The following GTF2I variants were observed in gnomAD, a reference collection of about 807,000 sequenced individuals.
GTF2I encodes general transcription factor IIi.
GTF2I carries 12 observed loss-of-function variants against 67.6 expected under a neutral mutation model. The ratio of observed to expected loss-of-function variants is 0.18; its 90% CI spans 0.11 to 0.29. The LOEUF (loss-of-function observed/expected upper bound fraction) is 0.29, where lower values mean the gene tolerates loss of function less well. Ranked by LOEUF, GTF2I falls within the 10% of genes least tolerant of loss-of-function variation. The pLI, the probability that GTF2I is intolerant of heterozygous loss-of-function variation, is 1.00. For missense variants in GTF2I, 271 were observed against 580.1 expected (o/e 0.47, Z 5.47); for synonymous variants, 149 against 197.0 (o/e 0.76, Z 2.04).
At chr7:74,658,713 T>G (rs1804178453) in intron 1 of GTF2I, among the ~76,000 whole-genome samples, 1 of 150,826 alleles carries the variant, frequency 6.6e-6, no homozygotes, top group Non-Finnish European at 1.5e-5. Context: ...GAGTCCGCAG[T>G]GGGCTTTGTC....
intron 12 of GTF2I, chr7:74,727,197 C>G (rs1197902842): frequency 2.0e-5 from 3 of 152,132 alleles, no homozygotes; most frequent in African/African-American, 7.2e-5. Context: ...ATTAGCACGG[C>G]CAGCCAGTCA....
intron 12 of GTF2I, among the ~76,000 whole-genome samples, chr7:74,723,627 C>T (rs187848154): frequency 1.3e-5 from 2 of 151,610 alleles, no homozygotes; most frequent in African/African-American, 4.8e-5. Flanking sequence ...ACAGGGGTTT[C>T]ACCATGTTGG....
At chr7:74,714,691 A>G (rs1308011549) in intron 9 of GTF2I, among the ~76,000 whole-genome samples, 166 bp from the exon 10 acceptor site, 1 of 151,482 alleles carries the variant, frequency 6.6e-6, no homozygotes, top group African/African-American at 2.4e-5. Context: ...CACCAAGACC[A>G]TAAATTGACA....
intron 14 of GTF2I, among the ~76,000 whole-genome samples, chr7:74,732,144 T>TATAC (rs1794550377): frequency 6.8e-6 from 1 of 147,782 alleles, no homozygotes; most frequent in East Asian, 2.0e-4. Flanking sequence ...CACATATACA[T>TATAC]ATATATATAT....
intron 1 of GTF2I, among the ~76,000 whole-genome samples, chr7:74,686,334 A>G (rs765901223): frequency 1.3e-5 from 2 of 152,142 alleles, no homozygotes; most frequent in Non-Finnish European, 2.9e-5. Flanking sequence ...TCCAGACCCT[A>G]TTCTCCGGCC....
intron 7 of GTF2I, among the ~76,000 whole-genome samples, chr7:74,705,774 G>A (rs1554401169): frequency 2.6e-5 from 4 of 152,058 alleles, no homozygotes; most frequent in Non-Finnish European, 5.9e-5. Flanking sequence ...GTGTTGGCCA[G>A]GCTGGTCTCG....
chr7:74,686,575 T>C (rs1380298304), intron 1 of GTF2I, among the ~76,000 whole-genome samples: 4 of 152,298 alleles, frequency 2.6e-5, no homozygotes, highest in Admixed American at 2.6e-4. Context: ...ATAATGAAAG[T>C]GTACGCTAAG....
chr7:74,676,159 A>C (rs1554392334), intron 1 of GTF2I, among the ~76,000 whole-genome samples: 1 of 152,152 alleles, frequency 6.6e-6, no homozygotes, highest in East Asian at 1.9e-4. Context: ...AGCTGTTCTT[A>C]GGTTATAAAA....
At chr7:74,663,471 A>G (rs1405919602) in intron 1 of GTF2I, among the ~76,000 whole-genome samples, 2 of 152,006 alleles carry the variant, frequency 1.3e-5, no homozygotes, top group Admixed American at 6.6e-5. Flanking sequence ...TATTTTTCAT[A>G]GAGATGGGGT....
chr7:74,724,401 T>C (rs901357913), intron 12 of GTF2I, among the ~76,000 whole-genome samples: 2 of 152,204 alleles, frequency 1.3e-5, no homozygotes, highest in African/African-American at 4.8e-5. Context: ...TGTAACATAG[T>C]CTATTTATTG....
At chr7:74,674,604 T>A (rs1156319670) in intron 1 of GTF2I, among the ~76,000 whole-genome samples, 1 of 152,084 alleles carries the variant, frequency 6.6e-6, no homozygotes, top group Admixed American at 6.6e-5. Flanking sequence ...AGTCGTGCAA[T>A]CTCAGCTCAC....
chr7:74,712,379 C>G (rs1263863547), intron 9 of GTF2I, among the ~76,000 whole-genome samples: 1 of 151,994 alleles, frequency 6.6e-6, no homozygotes, highest in Non-Finnish European at 1.5e-5. Context: ...CTTTGGGCTC[C>G]CCCAAATCCC....
At chr7:74,680,448 TA>T (rs1247423478) in intron 1 of GTF2I, among the ~76,000 whole-genome samples, 1 of 152,018 alleles carries the variant, frequency 6.6e-6, no homozygotes, top group African/African-American at 2.4e-5. Context: ...CACTATAAAA[TA>T]TTTTTTTTTG....
intron 16 of GTF2I, among the ~76,000 whole-genome samples, chr7:74,734,427 T>A (rs1201619603): frequency 6.6e-6 from 1 of 150,794 alleles, no homozygotes; most frequent in Non-Finnish European, 1.5e-5. Context: ...TGTTTTGTTT[T>A]GTTTTGTTTT....
At chr7:74,677,704 C>T (rs587721978) in intron 1 of GTF2I, among the ~76,000 whole-genome samples, 1 of 146,228 alleles carries the variant, frequency 6.8e-6, no homozygotes, top group South Asian at 2.2e-4. Flanking sequence ...ATTGCTTGAA[C>T]CCAGGAGGCG....
chr7:74,666,467 C>A (rs1409194791), intron 1 of GTF2I, among the ~76,000 whole-genome samples: 3 of 152,060 alleles, frequency 2.0e-5, no homozygotes, highest in Admixed American at 2.0e-4. Flanking sequence ...GAGAAATAGA[C>A]CCTGCAAGAT....
At chr7:74,690,556 T>A (rs1788186083) in intron 2 of GTF2I, among the ~76,000 whole-genome samples, 1 of 152,152 alleles carries the variant, frequency 6.6e-6, no homozygotes. Context: ...CTGAGGGCAC[T>A]AATTGCCCCA....
At chr7:74,693,856 A>G (rs782706517) in intron 3 of GTF2I, among the ~76,000 whole-genome samples, 8 of 152,092 alleles carry the variant, frequency 5.3e-5, no homozygotes, top group Non-Finnish European at 1.2e-4. Context: ...ACGAAAAAAA[A>G]AGGAAATTAG....
chr7:74,686,321 G>A (rs587755696), intron 1 of GTF2I, among the ~76,000 whole-genome samples: 62 of 152,246 alleles, frequency 4.1e-4, no homozygotes, highest in Middle Eastern at 3.4e-3. Flanking sequence ...TAGGTTCCCT[G>A]CCTCCAGACC....
Sources: gnomAD v4.1 joint callset for allele counts (sites outside exome capture counted in the v4.1 genomes callset) on GRCh38, gnomAD v4.1.1 for gene constraint, MANE v1.5 for transcripts, NCBI Gene and HGNC (gene_info 2026-07-23, HGNC 2026-07-21) for gene names.